Variants in MORN5 observed in about 807,000 individuals in gnomAD.
MORN5 encodes the protein MORN repeat-containing protein 5.
MORN5 carries 21 observed loss-of-function variants against 22.1 expected under a neutral mutation model. The observed-to-expected ratio is 0.95, with a 90% CI of 0.67 to 1.37. The LOEUF (loss-of-function observed/expected upper bound fraction) is 1.37. Ranked by LOEUF, MORN5 falls within the 40% of genes most tolerant of loss-of-function variation. The pLI is 0.00. For missense variants in MORN5, 211 were observed against 215.1 expected (o/e 0.98, Z 0.12); for synonymous variants, 73 against 74.0 (o/e 0.99, Z 0.07).
chr9:122,161,055 G>C (rs1344749712), intron 1 of MORN5, among the ~76,000 whole-genome samples: 2 of 152,244 alleles, frequency 1.3e-5, no homozygotes, highest in Non-Finnish European at 1.5e-5. Flanking sequence ...AAACACAGAG[G>C]TGGCCACTCT....
At chr9:122,195,052 T>G (rs1829857418) in intron 4 of MORN5, among the ~76,000 whole-genome samples, 1 of 150,342 alleles carries the variant, frequency 6.7e-6, no homozygotes, top group African/African-American at 2.4e-5. Context: ...AAGTATAGAT[T>G]CAAAAATTGT....
At chr9:122,163,610 G>A (rs570105621) in intron 1 of MORN5, among the ~76,000 whole-genome samples, 2 of 152,322 alleles carry the variant, frequency 1.3e-5, no homozygotes, top group East Asian at 3.9e-4. Flanking sequence ...CAGAGGGCAC[G>A]TATGGAGTAG....
intron 4 of MORN5, among the ~76,000 whole-genome samples, chr9:122,194,742 G>A (rs973944572): frequency 2.6e-5 from 4 of 152,076 alleles, no homozygotes; most frequent in Non-Finnish European, 5.9e-5. Flanking sequence ...TATGCAAGCC[G>A]GGCACGGTGG....
chr9:122,160,311 G>A (rs191789847), intron 1 of MORN5, among the ~76,000 whole-genome samples: 151 of 152,256 alleles, frequency 9.9e-4, no homozygotes, highest in African/African-American at 3.5e-3. Flanking sequence ...TAATCCAGTT[G>A]GAGATGTATT....
chr9:122,173,961 C>A (rs1163422418), intron 3 of MORN5, among the ~76,000 whole-genome samples: 7 of 152,216 alleles, frequency 4.6e-5, no homozygotes, highest in Admixed American at 4.6e-4. Context: ...CAATGAGTGG[C>A]AGCCACCGTG....
chr9:122,163,054 A>C (rs942665985), intron 1 of MORN5, among the ~76,000 whole-genome samples: 1 of 152,218 alleles, frequency 6.6e-6, no homozygotes, highest in Non-Finnish European at 1.5e-5. Flanking sequence ...ATTAAAAAAA[A>C]AAAGGTTAAT....
intron 2 of MORN5, among the ~76,000 whole-genome samples, chr9:122,167,284 G>C (rs537932793): frequency 7.0e-4 from 105 of 149,690 alleles, no homozygotes; most frequent in African/African-American, 2.4e-3. Flanking sequence ...TTGACCTTGT[G>C]ATCCACCCGC....
At chr9:122,167,828 C>T (rs1829309727) in intron 2 of MORN5, among the ~76,000 whole-genome samples, 1 of 138,342 alleles carries the variant, frequency 7.2e-6, no homozygotes, top group Non-Finnish European at 1.6e-5. Context: ...TCCAGAGGCT[C>T]TACGGGAAAA....
intron 2 of MORN5, among the ~76,000 whole-genome samples, chr9:122,168,148 G>C (rs1395566167): frequency 6.6e-6 from 1 of 152,160 alleles, no homozygotes; most frequent in Non-Finnish European, 1.5e-5. Flanking sequence ...ACATCTTTGG[G>C]GGACCATTAT....
At position 122,197,675 on chromosome 9, in the gene MORN5, G is replaced by A. The variant is rs1829924677; in HGVS notation, c.440-2210G>A. Among the ~76,000 whole-genome samples the A allele has an allele frequency of 6.6e-6, 1 of 152,214 alleles. No homozygotes were observed. Among genetic ancestry groups the A allele is most frequent in the African/African-American group, 2.4e-5 (1 of 41,454 alleles). On this transcript the variant is annotated intron_variant, in intron 4 of 4. Coordinates refer to ENST00000373764, the MANE Select transcript of MORN5 (RefSeq NM_198469.4). This position sits in a 1 kb window ranked among gnomAD's most constrained non-coding sequence, Gnocchi z 5.7. ...ATTTTTAACGATCAGGGAGGGGCCT[G>A]AGGACTGGTTCAGCACAATACACCC...
At chr9:122,162,639 A>G (rs1829218393) in intron 1 of MORN5, among the ~76,000 whole-genome samples, 1 of 152,264 alleles carries the variant, frequency 6.6e-6, no homozygotes, top group South Asian at 2.1e-4. Context: ...CTACTCAGCA[A>G]TAAAAAGGAG....
At chr9:122,178,598 A>G (rs538195452) in intron 4 of MORN5, among the ~76,000 whole-genome samples, 4 of 152,350 alleles carry the variant, frequency 2.6e-5, no homozygotes, top group South Asian at 2.1e-4. Context: ...TATCACTACT[A>G]TAGTTCTCTT....
chr9:122,196,704 C>T (rs372150034), intron 4 of MORN5, among the ~76,000 whole-genome samples: 9 of 152,252 alleles, frequency 5.9e-5, no homozygotes, highest in South Asian at 4.1e-4. Flanking sequence ...GAAATAAAAG[C>T]GGAAAGAGAA....
At chr9:122,175,431 G>C in intron 4 of MORN5, 1 of 982,098 alleles carries the variant, frequency 1.0e-6, no homozygotes. Context: ...CATTTACAGT[G>C]ACCAAACTCA....
At chr9:122,162,863 A>G (rs1829222865) in intron 1 of MORN5, among the ~76,000 whole-genome samples, 1 of 152,194 alleles carries the variant, frequency 6.6e-6, no homozygotes, top group Non-Finnish European at 1.5e-5. Context: ...AGGCATGCAG[A>G]AACTTTTGTG....
chr9:122,180,911 G>T (rs2118767029), intron 4 of MORN5, among the ~76,000 whole-genome samples: 1 of 152,326 alleles, frequency 6.6e-6, no homozygotes, highest in South Asian at 2.1e-4. Flanking sequence ...CATCTCACAT[G>T]AGTCCCATGA....
At chr9:122,168,512 G>A (rs1829320285) in intron 2 of MORN5, among the ~76,000 whole-genome samples, 1 of 152,174 alleles carries the variant, frequency 6.6e-6, no homozygotes, top group African/African-American at 2.4e-5. Context: ...TTTATAGCTT[G>A]GAGAGTCTAA....
At chr9:122,168,318 G>A (rs530720959) in intron 2 of MORN5, among the ~76,000 whole-genome samples, 1 of 152,250 alleles carries the variant, frequency 6.6e-6, no homozygotes, top group African/African-American at 2.4e-5. Context: ...TTACCCCCTG[G>A]TATTTGTGAG....
intron 4 of MORN5, among the ~76,000 whole-genome samples, chr9:122,188,411 C>T (rs539399003): frequency 1.3e-5 from 2 of 152,376 alleles, no homozygotes; most frequent in East Asian, 1.9e-4. Context: ...TCTGGTCTGT[C>T]ACAGACTTCT....
Sources: gnomAD v4.1 joint callset for allele counts (sites outside exome capture counted in the v4.1 genomes callset) on GRCh38, gnomAD v4.1.1 for gene constraint, Gnocchi (gnomAD v3.1) non-coding constraint, MANE v1.5 for transcripts, NCBI Gene and HGNC (gene_info 2026-07-23, HGNC 2026-07-21) for gene names.